Variants in CNTN5 observed in about 807,000 individuals in gnomAD.
CNTN5 encodes the protein contactin 5.
In CNTN5, 77 loss-of-function variants were observed where a neutral mutation model predicts 129.1. The ratio of observed to expected loss-of-function variants is 0.60; its 90% CI spans 0.50 to 0.72. CNTN5 has a LOEUF of 0.72. Among genes scored for constraint, CNTN5 ranks in the 30% least tolerant of loss-of-function variants. CNTN5 has a pLI of 0.00. For missense variants in CNTN5, 1,478 were observed against 1,328.8 expected, an observed-to-expected ratio of 1.11 and a Z score of -1.75; for synonymous variants, 509 against 465.6, an observed-to-expected ratio of 1.09 and a Z score of -1.20.
At chr11:99,742,491 G>T (rs1215755241) in intron 3 of CNTN5, among the ~76,000 whole-genome samples, 1 of 152,158 alleles carries the variant, frequency 6.6e-6, no homozygotes, top group Non-Finnish European at 1.5e-5. Context: ...AAGTGGGATT[G>T]TGTGAGCTTT....
chr11:99,157,248 T>C (rs894979748), intron 1 of CNTN5, among the ~76,000 whole-genome samples: 1 of 152,046 alleles, frequency 6.6e-6, no homozygotes, highest in Non-Finnish European at 1.5e-5. Flanking sequence ...AAAATATGTA[T>C]TTTGATTTTT....
intron 1 of CNTN5, among the ~76,000 whole-genome samples, chr11:99,144,848 G>T: frequency 6.6e-6 from 1 of 151,340 alleles, no homozygotes. Context: ...GTATTCTCTT[G>T]TATCTTTCTT....
At chr11:99,371,251 T>G (rs1401756714) in intron 2 of CNTN5, among the ~76,000 whole-genome samples, 1 of 152,114 alleles carries the variant, frequency 6.6e-6, no homozygotes, top group Non-Finnish European at 1.5e-5. Flanking sequence ...TTATATCCAT[T>G]TTTAATGTAA....
chr11:100,025,462 T>C (rs921639175), intron 9 of CNTN5, among the ~76,000 whole-genome samples: 1 of 152,170 alleles, frequency 6.6e-6, no homozygotes, highest in African/African-American at 2.4e-5. Context: ...GAGTCCCCAC[T>C]GGGGCACTGC....
chr11:99,108,256 C>G (rs1857613604), intron 1 of CNTN5, among the ~76,000 whole-genome samples: 1 of 152,060 alleles, frequency 6.6e-6, no homozygotes, highest in Non-Finnish European at 1.5e-5. Context: ...ATGCTAAAGA[C>G]AAATTTTGAA....
At chr11:99,189,873 G>T (rs1296516959) in intron 1 of CNTN5, among the ~76,000 whole-genome samples, 1 of 151,456 alleles carries the variant, frequency 6.6e-6, no homozygotes, top group Non-Finnish European at 1.5e-5. Context: ...TTACTCTATT[G>T]ATTGTTCCTT....
At chr11:99,090,971 G>C (rs1278312133) in intron 1 of CNTN5, among the ~76,000 whole-genome samples, 1 of 137,706 alleles carries the variant, frequency 7.3e-6, no homozygotes, top group African/African-American at 2.8e-5. Context: ...GCAGTGAGCC[G>C]AGATCGTGCC....
At position 99,095,609 on chromosome 11, in the gene CNTN5, A is replaced by G. The variant is rs187137951; in HGVS notation, c.-210+74339A>G. On this transcript the variant is annotated intron_variant, in intron 1 of 24. Coordinates refer to ENST00000524871, the MANE Select transcript of CNTN5 (RefSeq NM_014361.4). ...AGAAGAGACATAAAAGTACATTAAT[A>G]TCAGGCTTGTTGAGTAGAGTGAGGG... Among the ~76,000 whole-genome samples, 318 of 152,052 alleles carry G rather than the reference A, an allele frequency of 2.1e-3. 7 individuals are homozygous for G. Among genetic ancestry groups the G allele is most frequent in the Admixed American group, 0.015 (233 of 15,234 alleles).
Position 99,535,708 on chromosome 11 carries a change from T to C in CNTN5, c.-70-20437T>C, listed in dbSNP as rs144733818. ...ATGAATAGACAGCAAAGTAGAAATATTTTACAAGTGAACAAAAATACAGCA... is the reference window on the plus strand; with the variant it reads ...ATGAATAGACAGCAAAGTAGAAATACTTTACAAGTGAACAAAAATACAGCA... On this transcript the variant is annotated intron_variant, in intron 2 of 24. Transcript: ENST00000524871. Among the ~76,000 whole-genome samples the C allele has an allele frequency of 1.7e-3, 260 of 152,270 alleles. 1 individual carries two copies. Among genetic ancestry groups the C allele is most frequent in the African/African-American group, 6.0e-3 (251 of 41,550 alleles).
At chr11:99,266,817 A>T (rs1016401856) in intron 1 of CNTN5, among the ~76,000 whole-genome samples, 4 of 152,040 alleles carry the variant, frequency 2.6e-5, no homozygotes, top group Admixed American at 2.0e-4. Context: ...GTACTTTGCC[A>T]GAAAGGATGA....
intron 2 of CNTN5, among the ~76,000 whole-genome samples, chr11:99,384,472 AC>A (rs1013981494): frequency 1.3e-5 from 2 of 152,106 alleles, no homozygotes; most frequent in African/African-American, 4.8e-5. Context: ...GGTGAATTTC[AC>A]CCCCAACCGA....
At chr11:99,932,902 A>G (rs1324027522) in intron 7 of CNTN5, among the ~76,000 whole-genome samples, 1 of 152,168 alleles carries the variant, frequency 6.6e-6, no homozygotes, top group Non-Finnish European at 1.5e-5. Context: ...ATCTTGTCAC[A>G]TCCTTCACTG....
At chr11:99,954,994 T>C (rs960714195) in intron 7 of CNTN5, among the ~76,000 whole-genome samples, 5 of 152,124 alleles carry the variant, frequency 3.3e-5, no homozygotes, top group African/African-American at 9.7e-5. Flanking sequence ...TCAACAAATA[T>C]CATCTGTGTA....
At chr11:99,025,288 A>C (rs1038854468) in intron 1 of CNTN5, among the ~76,000 whole-genome samples, 1 of 151,978 alleles carries the variant, frequency 6.6e-6, no homozygotes, top group Admixed American at 6.6e-5. Flanking sequence ...TTAAAGGGAA[A>C]GTGACTAAAC....
At chr11:100,171,647 A>G (rs1450801985) in intron 13 of CNTN5, among the ~76,000 whole-genome samples, 1 of 151,952 alleles carries the variant, frequency 6.6e-6, no homozygotes, top group African/African-American at 2.4e-5. Context: ...TCAGTGTAGG[A>G]ACATCTCAGT....
chr11:99,118,582 T>C (rs1858152648), intron 1 of CNTN5, among the ~76,000 whole-genome samples: 1 of 152,056 alleles, frequency 6.6e-6, no homozygotes, highest in Non-Finnish European at 1.5e-5. Context: ...ATGGAAAATA[T>C]ATAGAATATA....
rs17094895 is a variant in CNTN5, at chr11:100,353,105, C to G, written c.3199+2235C>G. Reference sequence around the variant, plus strand: ...AAGATCAGCCTCAACCTTGGAAGTACTTATGACAACCTTAATTCTCCCATT... The same window carrying G: ...AAGATCAGCCTCAACCTTGGAAGTAGTTATGACAACCTTAATTCTCCCATT... On this transcript the variant is annotated intron_variant, in intron 24 of 24. Transcript: ENST00000524871. Among the ~76,000 whole-genome samples the G allele has an allele frequency of 7.9e-3, 1,197 of 151,686 alleles. 18 individuals are homozygous for G. Among genetic ancestry groups the G allele is most frequent in the East Asian group, 0.05 (255 of 5,150 alleles).
rs565595418 is a variant in CNTN5, at chr11:99,681,067, A to ATG, written c.55+124801_55+124802dup. 5.9e-5 allele frequency among the ~76,000 whole-genome samples: 9 copies of ATG among 152,130 alleles called. 1 individual carries two copies. The highest frequency in any genetic ancestry group is 8.8e-5 in the Non-Finnish European group (6 of 67,978). On this transcript the variant is annotated intron_variant, in intron 3 of 24. Coordinates refer to ENST00000524871, the MANE Select transcript of CNTN5 (RefSeq NM_014361.4). ...CTAGAATTAGAAGTGGAGTCTGAGG[A>ATG]TGTGACTGAATTGCTACAATCTCAT...
intron 17 of CNTN5, among the ~76,000 whole-genome samples, chr11:100,259,866 T>G (rs1267585808): frequency 6.6e-6 from 1 of 150,418 alleles, no homozygotes; most frequent in Non-Finnish European, 1.5e-5. Flanking sequence ...TTCAACACCA[T>G]AAAATCACAA....
Sources: allele counts gnomAD v4.1 joint callset (sites outside exome capture counted in the v4.1 genomes callset), GRCh38; gene constraint gnomAD v4.1.1; transcripts MANE v1.5; gene names NCBI Gene and HGNC (gene_info 2026-07-23, HGNC 2026-07-21).